HSD17B2: variants seen among roughly 807,000 people sequenced by gnomAD.
HSD17B2 encodes hydroxysteroid 17-beta dehydrogenase 2, also known as 17-beta-hydroxysteroid dehydrogenase type 2.
HSD17B2 carries 32 observed loss-of-function variants against 26.9 expected under a neutral mutation model. That is an observed-to-expected ratio of 1.19 (90% confidence interval 0.90 to 1.60). The LOEUF (loss-of-function observed/expected upper bound fraction) is 1.60. Ranked by LOEUF, HSD17B2 falls within the 40% of genes most tolerant of loss-of-function variation. The probability of loss-of-function intolerance (pLI) is 0.00; values close to 1 mark genes in which losing one functional copy is unlikely to be tolerated. For synonymous variants in HSD17B2, 246 were observed against 186.7 expected (o/e 1.32, Z -2.59); for missense variants, 613 against 468.6 (o/e 1.31, Z -2.85).
chr16:82,042,426 G>T lies in HSD17B2; in HGVS notation c.265+6737G>T, dbSNP rs190062604. Reference sequence around the variant, plus strand: ...AGTGTCTAAAACTTGGTGGAGGGTGGTAAGTTCCATGCAAACTGGAGCACA... The same window carrying T: ...AGTGTCTAAAACTTGGTGGAGGGTGTTAAGTTCCATGCAAACTGGAGCACA... On this transcript the variant is annotated intron_variant, in intron 1 of 4. Coordinates refer to ENST00000199936, the MANE Select transcript of HSD17B2 (RefSeq NM_002153.3). 2.0e-4 allele frequency among the ~76,000 whole-genome samples: 31 copies of T among 152,250 alleles called. No individual in the cohort carries two copies. In the East Asian group the frequency reaches 4.8e-3, roughly 24 times the overall value.
At chr16:82,073,453 C>T (rs902534235) in intron 3 of HSD17B2, among the ~76,000 whole-genome samples, 4 of 152,054 alleles carry the variant, frequency 2.6e-5, no homozygotes, top group Middle Eastern at 3.4e-3. Context: ...CTCGATCTCC[C>T]GACCTCGTGA....
chr16:82,087,371 T>C (rs1904557496), intron 3 of HSD17B2, among the ~76,000 whole-genome samples: 1 of 152,184 alleles, frequency 6.6e-6, no homozygotes, highest in African/African-American at 2.4e-5. Flanking sequence ...TTACATAACG[T>C]CAAAAAGCCT....
chr16:82,094,813 T>C (rs1233581068), intron 4 of HSD17B2: 2 of 152,208 alleles, frequency 1.3e-5, no homozygotes, highest in Non-Finnish European at 2.9e-5. Context: ...TTAAGTGCTT[T>C]ATGTGCATTA....
chr16:82,063,866 G>A (rs1914509731), intron 1 of HSD17B2, among the ~76,000 whole-genome samples: 1 of 152,156 alleles, frequency 6.6e-6, no homozygotes, highest in Non-Finnish European at 1.5e-5. Flanking sequence ...CGAACACTTT[G>A]TTCCGACTGA....
At position 82,068,155 on chromosome 16, in the gene HSD17B2, C is replaced by A. The variant is rs1203349760; in HGVS notation, c.266-15C>A. On this transcript the variant is annotated splice_polypyrimidine_tract_variant and intron_variant, in intron 1 of 4. Transcript: ENST00000199936. Reference sequence around the variant, plus strand: ...CTGGTTTGACCTCACTCCCTACTCCCCTGACCCTATGCAGGTGGTGATTGC... The same window carrying A: ...CTGGTTTGACCTCACTCCCTACTCCACTGACCCTATGCAGGTGGTGATTGC... 1 of 1,612,518 alleles carries A rather than the reference C, an allele frequency of 6.2e-7. No homozygotes were observed. Among genetic ancestry groups the A allele is most frequent in the Non-Finnish European group, 8.5e-7 (1 of 1,178,692 alleles).
chr16:82,073,614 C>T (rs541771912), intron 3 of HSD17B2, among the ~76,000 whole-genome samples: 1 of 152,026 alleles, frequency 6.6e-6, no homozygotes, highest in Non-Finnish European at 1.5e-5. Flanking sequence ...TGCTGTCAGC[C>T]CTCCAGAATG....
chr16:82,087,009 T>A (rs1904546963), intron 3 of HSD17B2, among the ~76,000 whole-genome samples: 1 of 152,224 alleles, frequency 6.6e-6, no homozygotes, highest in South Asian at 2.1e-4. Flanking sequence ...AAGGGCCTCA[T>A]CTTTCTGATC....
chr16:82,079,191 A>G (rs1178111295), intron 3 of HSD17B2, among the ~76,000 whole-genome samples: 1 of 152,232 alleles, frequency 6.6e-6, no homozygotes, highest in African/African-American at 2.4e-5. Flanking sequence ...ATTAAAAAAA[A>G]AGAAACAAAG....
chr16:82,048,836 T>C (rs1421866749), intron 1 of HSD17B2, among the ~76,000 whole-genome samples: 1 of 152,228 alleles, frequency 6.6e-6, no homozygotes, highest in African/African-American at 2.4e-5. Context: ...AATGTACTGC[T>C]TGTAGTCAGT....
intron 1 of HSD17B2, among the ~76,000 whole-genome samples, chr16:82,046,639 G>A (rs115383800): frequency 4.6e-4 from 70 of 151,892 alleles, no homozygotes; most frequent in African/African-American, 1.5e-3. Context: ...CAGGAGGATC[G>A]CTTGAACCTG....
Position 82,068,236 on chromosome 16 carries a change from C to A in HSD17B2, c.332C>A (p.Ala111Asp), listed in dbSNP as rs776058213. The stretch of plus-strand genomic sequence containing the variant: ...GATGAGCTGGGCTTCACGGTATTTG[C>A]CGGAGTTTTGAATGAAAATGGCCCA... ...YLDELGFTVF[A>D]GVLNENGPGA... Residue 111 changes from alanine to aspartate, a missense_variant, in exon 2 of 5, where the codon GCC becomes GAC. By Grantham distance (126) the Ala-to-Asp change is moderately radical. Coordinates refer to ENST00000199936, the MANE Select transcript of HSD17B2 (RefSeq NM_002153.3). The A allele has an allele frequency of 4.6e-5, 75 of 1,613,926 alleles. No individual in the cohort carries two copies. Among genetic ancestry groups the A allele is most frequent in the Non-Finnish European group, 6.0e-5 (71 of 1,180,034 alleles).
chr16:82,079,466 C>A (rs1904327321), intron 3 of HSD17B2, among the ~76,000 whole-genome samples: 1 of 152,178 alleles, frequency 6.6e-6, no homozygotes, highest in Non-Finnish European at 1.5e-5. Flanking sequence ...ATAAGAATGG[C>A]AGTCATACTG....
intron 4 of HSD17B2, chr16:82,092,115 T>C (rs1391715761): frequency 6.6e-6 from 1 of 152,218 alleles, no homozygotes; most frequent in Non-Finnish European, 1.5e-5. Flanking sequence ...TTTATTTGGC[T>C]TCAGAGCTTA....
chr16:82,080,235 C>T (rs1904342927), intron 3 of HSD17B2, among the ~76,000 whole-genome samples: 1 of 152,214 alleles, frequency 6.6e-6, no homozygotes, highest in South Asian at 2.1e-4. Context: ...CAGAAACATA[C>T]ACGTCCCATT....
chr16:82,066,487 C>T (rs972837457), intron 1 of HSD17B2, among the ~76,000 whole-genome samples: 2 of 152,098 alleles, frequency 1.3e-5, no homozygotes, highest in Non-Finnish European at 1.5e-5. Context: ...ACTGACCAGT[C>T]TCCATTCTAA....
intron 4 of HSD17B2, chr16:82,096,093 T>C (rs2142370372): frequency 6.6e-6 from 1 of 152,328 alleles, no homozygotes; most frequent in East Asian, 1.9e-4. Context: ...AATATATTTA[T>C]ACTTAATTGC....
chr16:82,084,675 C>A (rs1981880), intron 3 of HSD17B2, among the ~76,000 whole-genome samples: 35 of 152,048 alleles, frequency 2.3e-4, no homozygotes, highest in Admixed American at 4.6e-4. Context: ...CAGTTTTCCT[C>A]CAGAAATCGC....
intron 3 of HSD17B2, among the ~76,000 whole-genome samples, chr16:82,079,908 A>G (rs1283887670): frequency 6.6e-6 from 1 of 152,194 alleles, no homozygotes; most frequent in African/African-American, 2.4e-5. Context: ...CTGGGAGTTC[A>G]TTGCTGTTAT....
At position 82,037,828 on chromosome 16, in the gene HSD17B2, C is replaced by T. The variant is rs374297483; in HGVS notation, c.265+2139C>T. Among the ~76,000 whole-genome samples the T allele has an allele frequency of 1.1e-4, 16 of 152,158 alleles. No homozygotes were observed. The East Asian group carries it at 1.7e-3, about 17-fold the overall frequency. On this transcript the variant is annotated intron_variant, in intron 1 of 4. Transcript: ENST00000199936. ...CAGGGTTGGAACAAGTCTACAGCCACGTCAAATGCATAGATTCCTGGGCTG... is the reference window on the plus strand; with the variant it reads ...CAGGGTTGGAACAAGTCTACAGCCATGTCAAATGCATAGATTCCTGGGCTG...
Sources: gnomAD v4.1 joint callset for allele counts (sites outside exome capture counted in the v4.1 genomes callset) on GRCh38, gnomAD v4.1.1 for gene constraint, MANE v1.5 for transcripts, NCBI Gene and HGNC (gene_info 2026-07-23, HGNC 2026-07-21) for gene names.